SPON1: variants seen among roughly 807,000 people sequenced by gnomAD.
SPON1 encodes spondin-1.
In SPON1, 52 loss-of-function variants were observed where a neutral mutation model predicts 111.7. The ratio of observed to expected loss-of-function variants is 0.47; its 90% confidence interval spans 0.37 to 0.59. The LOEUF is 0.59. Ranked by LOEUF, SPON1 falls within the 20% of genes least tolerant of loss-of-function variation. The probability of loss-of-function intolerance (pLI) is 0.00; values close to 1 mark genes in which losing one functional copy is unlikely to be tolerated. For missense variants in SPON1, 957 were observed against 1,068.5 expected, an observed-to-expected ratio of 0.90 and a Z score of 1.46; for synonymous variants, 410 against 395.8, an observed-to-expected ratio of 1.04 and a Z score of -0.43.
chr11:14,234,238 TC>T (rs1380619065), intron 6 of SPON1, among the ~76,000 whole-genome samples: 2 of 152,208 alleles, frequency 1.3e-5, no homozygotes, highest in Admixed American at 1.3e-4. Flanking sequence ...TGATGTTCTC[TC>T]CTGTTTGGAT....
chr11:14,056,715 C>T (rs1453919188), intron 3 of SPON1, among the ~76,000 whole-genome samples: 2 of 152,008 alleles, frequency 1.3e-5, no homozygotes, highest in East Asian at 3.9e-4. Flanking sequence ...CGGTGAAACC[C>T]CGTCTCTACT....
intron 5 of SPON1, among the ~76,000 whole-genome samples, chr11:14,116,645 A>C (rs1849269095): frequency 6.6e-6 from 1 of 152,036 alleles, no homozygotes; most frequent in African/African-American, 2.4e-5. Context: ...AAAAGCTTTG[A>C]TATCTGGGAG....
At chr11:14,008,248 G>T (rs1396827068) in intron 2 of SPON1, among the ~76,000 whole-genome samples, 2 of 152,206 alleles carry the variant, frequency 1.3e-5, no homozygotes. Context: ...GAGTATATGG[G>T]AGGAGTAGCT....
At chr11:14,065,800 A>T (rs1848828201) in intron 3 of SPON1, among the ~76,000 whole-genome samples, 1 of 152,248 alleles carries the variant, frequency 6.6e-6, no homozygotes, top group African/African-American at 2.4e-5. Flanking sequence ...ACTTGTGCAC[A>T]TCAAACAAAA....
Position 14,042,394 on chromosome 11 carries a change from G to GAA in SPON1, c.479+750_479+751dup, listed in dbSNP as rs35189442. ...AATGAAGGTTTTGCAAAGTCCTGGC[G>GAA]AAAAAAAAAAATCTGTTTAATTTGG... On this transcript the variant is annotated intron_variant, in intron 3 of 15. Transcript: ENST00000576479. Among the ~76,000 whole-genome samples the GAA allele has an allele frequency of 1.7e-3, 251 of 149,282 alleles. 1 individual carries two copies. The highest frequency in any genetic ancestry group is 0.012 in the East Asian group (62 of 5,080).
chr11:14,112,674 G>T (rs1379384389), intron 5 of SPON1, among the ~76,000 whole-genome samples: 2 of 152,152 alleles, frequency 1.3e-5, no homozygotes, highest in Non-Finnish European at 1.5e-5. Flanking sequence ...TCATAACTGG[G>T]TCTTAATTTT....
intron 6 of SPON1, among the ~76,000 whole-genome samples, chr11:14,158,042 T>C (rs1847869432): frequency 6.6e-6 from 1 of 152,140 alleles, no homozygotes; most frequent in African/African-American, 2.4e-5. Context: ...CATTTTCTAT[T>C]GAATGCCAGA....
chr11:13,982,269 C>T (rs1286135383), intron 1 of SPON1, among the ~76,000 whole-genome samples: 2 of 152,112 alleles, frequency 1.3e-5, no homozygotes, highest in Admixed American at 1.3e-4. Context: ...GGGGTCTTGG[C>T]ATGTGTCTTG....
Position 13,962,836 on chromosome 11 carries a change from G to T in SPON1, c.-69G>T. 7.4e-7 allele frequency: 1 copy of T among 1,354,786 alleles called. No homozygotes were observed. The highest frequency in any genetic ancestry group is 9.6e-7 in the Non-Finnish European group (1 of 1,046,070). 83.9% of individuals were successfully genotyped at this position (1,354,786 alleles called of 1,614,324 possible). A position where few individuals can be genotyped will look rare whatever the true frequency, so the allele number is the denominator to read the frequency against. ...GCCTCCGCCAGGTCGCGCCTTCGTC[G>T]GGACCACTTCGGGCAGGAGTCGCGT... On this transcript the variant is annotated 5_prime_UTR_variant, in exon 1 of 16. Coordinates refer to ENST00000576479, the MANE Select transcript of SPON1 (RefSeq NM_006108.4).
intron 5 of SPON1, among the ~76,000 whole-genome samples, chr11:14,102,582 G>A (rs904982661): frequency 2.0e-5 from 3 of 152,144 alleles, no homozygotes; most frequent in African/African-American, 7.2e-5. Context: ...AAAAATTCTG[G>A]TTCAAGATCC....
At chr11:14,183,952 C>G (rs1220871593) in intron 6 of SPON1, among the ~76,000 whole-genome samples, 1 of 152,120 alleles carries the variant, frequency 6.6e-6, no homozygotes, top group Non-Finnish European at 1.5e-5. Flanking sequence ...GTAAATGGCC[C>G]TTGGAGAAAG....
At chr11:14,241,548 G>A (rs1286820356) in intron 6 of SPON1, among the ~76,000 whole-genome samples, 4 of 152,102 alleles carry the variant, frequency 2.6e-5, no homozygotes, top group Admixed American at 6.5e-5. Context: ...TTTGGCACCC[G>A]GCTCAGGCAC....
At chr11:14,245,254 C>T (rs1011663612) in intron 7 of SPON1, among the ~76,000 whole-genome samples, 1 of 152,114 alleles carries the variant, frequency 6.6e-6, no homozygotes, top group Non-Finnish European at 1.5e-5. Context: ...GAAGCTACGG[C>T]GAGGCACCTG....
At chr11:14,084,675 C>A (rs782076476) in intron 5 of SPON1, among the ~76,000 whole-genome samples, 6 of 152,100 alleles carry the variant, frequency 3.9e-5, no homozygotes, top group Non-Finnish European at 7.4e-5. Flanking sequence ...GTAATAGGAT[C>A]ACTAGGTCGA....
intron 5 of SPON1, among the ~76,000 whole-genome samples, chr11:14,132,676 T>A (rs547448839): frequency 6.6e-6 from 1 of 152,320 alleles, no homozygotes; most frequent in African/African-American, 2.4e-5. Flanking sequence ...GTTACAAGAA[T>A]AAGCCAGAAA....
At chr11:14,107,638 A>G (rs1554925066) in intron 5 of SPON1, among the ~76,000 whole-genome samples, 1 of 151,644 alleles carries the variant, frequency 6.6e-6, no homozygotes, top group Admixed American at 6.6e-5. Flanking sequence ...TTTAATGTGG[A>G]AGCTAAAAGC....
intron 3 of SPON1, among the ~76,000 whole-genome samples, chr11:14,044,191 A>G (rs1299774500): frequency 6.6e-6 from 1 of 152,206 alleles, no homozygotes; most frequent in African/African-American, 2.4e-5. Context: ...TATATAAGCT[A>G]CAACTATTTA....
intron 2 of SPON1, among the ~76,000 whole-genome samples, chr11:13,985,112 G>T (rs1416753963): frequency 3.9e-5 from 6 of 152,178 alleles, no homozygotes; most frequent in Admixed American, 3.3e-4. Context: ...CACAACCTGT[G>T]TTTTAACAAG....
chr11:14,057,844 C>CAAAAAAAAAAA (rs1277903384), intron 3 of SPON1, among the ~76,000 whole-genome samples: 22,227 of 123,474 alleles, frequency 0.18, 2,523 homozygotes, highest in South Asian at 0.26. Flanking sequence ...AAAAAAAAAA[C>CAAAAAAAAAAA]AAAACAAAAA....
Sources: gnomAD v4.1 joint callset for allele counts (sites outside exome capture counted in the v4.1 genomes callset) on GRCh38, gnomAD v4.1.1 for gene constraint, MANE v1.5 for transcripts, NCBI Gene and HGNC (gene_info 2026-07-23, HGNC 2026-07-21) for gene names.